ASRGL1: variants seen among roughly 807,000 people sequenced by gnomAD.
ASRGL1 encodes isoaspartyl peptidase/L-asparaginase.
ASRGL1 carries 16 observed loss-of-function variants against 22.4 expected under a neutral mutation model. The ratio of observed to expected loss-of-function variants is 0.71; its 90% CI spans 0.48 to 1.08. The LOEUF (loss-of-function observed/expected upper bound fraction) is 1.08. Among genes scored for constraint, ASRGL1 ranks in the 50% least tolerant of loss-of-function variants. The pLI is 0.00. For missense variants in ASRGL1, 412 were observed against 410.1 expected (o/e 1.00, Z -0.04); for synonymous variants, 165 against 159.3 (o/e 1.04, Z -0.27).
At chr11:62,369,318 G>A (rs1055577526) in intron 4 of ASRGL1, among the ~76,000 whole-genome samples, 5 of 152,146 alleles carry the variant, frequency 3.3e-5, no homozygotes, top group Admixed American at 3.3e-4. Context: ...GCGACACAGG[G>A]TTGGGGCTAG....
At chr11:62,362,038 AATGAGAG>A (rs1164767851) in intron 4 of ASRGL1, among the ~76,000 whole-genome samples, 5 of 152,174 alleles carry the variant, frequency 3.3e-5, no homozygotes, top group African/African-American at 1.2e-4. Context: ...GTGGTTGGTA[AATGAGAG>A]ATGTACAAGC....
chr11:62,399,263 A>G, the ASRGL1 span, among the ~76,000 whole-genome samples: 2 of 152,184 alleles, frequency 1.3e-5, no homozygotes, highest in African/African-American at 2.4e-5. Context: ...CTCAAGCACA[A>G]AGGGTCAGGA....
intron 4 of ASRGL1, 132 bp downstream of exon 4, chr11:62,357,276 G>A (rs1946325574): frequency 1.0e-5 from 4 of 401,382 alleles, no homozygotes; most frequent in Non-Finnish European, 1.5e-5. Flanking sequence ...TTGACACGGA[G>A]TCTCTCTCTG....
At chr11:62,345,006 A>G (rs1945978809) in intron 2 of ASRGL1, among the ~76,000 whole-genome samples, 2 of 152,210 alleles carry the variant, frequency 1.3e-5, no homozygotes, top group African/African-American at 2.4e-5. Flanking sequence ...TTCACTTACC[A>G]TAATGACCTC....
chr11:62,392,369 G>A lies in ASRGL1; in HGVS notation c.*85G>A, dbSNP rs1421443395. On this transcript the variant is annotated 3_prime_UTR_variant, in exon 7 of 7. Coordinates refer to ENST00000415229, the MANE Select transcript of ASRGL1 (RefSeq NM_001083926.2). Reference sequence around the variant, plus strand: ...GACATAGCCTAATCAATTAGATCTAGAATTGGAAAAATTGTCCCGTCTGTC... The same window carrying A: ...GACATAGCCTAATCAATTAGATCTAAAATTGGAAAAATTGTCCCGTCTGTC... 6.7e-7 allele frequency: 1 copy of A among 1,501,612 alleles called. No individual in the cohort carries two copies. The highest frequency in any genetic ancestry group is 9.2e-7 in the Non-Finnish European group (1 of 1,091,298). The allele number at this position is 1,501,612 out of a possible 1,614,324, so 93.0% of individuals were successfully genotyped here. A position where few individuals can be genotyped will look rare whatever the true frequency, so the allele number is the denominator to read the frequency against.
At chr11:62,362,503 ATATATAACATATATTATT>A (rs1192889406) in intron 4 of ASRGL1, among the ~76,000 whole-genome samples, 1 of 62,624 alleles carries the variant, frequency 1.6e-5, no homozygotes, top group Non-Finnish European at 2.9e-5. Context: ...ATTATATAAA[ATATATAACATATATTATT>A]TATATAATAT....
intron 4 of ASRGL1, among the ~76,000 whole-genome samples, chr11:62,365,356 C>A (rs1205853104): frequency 1.3e-5 from 2 of 151,266 alleles, no homozygotes; most frequent in Non-Finnish European, 2.9e-5. Context: ...GAGTTTGAAA[C>A]CAGCCTGGCC....
chr11:62,391,413 C>T (rs1947332613), intron 5 of ASRGL1, 109 bp from the exon 6 acceptor site: 3 of 1,429,288 alleles, frequency 2.1e-6, no homozygotes, highest in Non-Finnish European at 1.9e-6. Flanking sequence ...TGACCTTTGT[C>T]GGTACTTGAG....
At chr11:62,399,860 A>T in the ASRGL1 span, among the ~76,000 whole-genome samples, 1 of 152,182 alleles carries the variant, frequency 6.6e-6, no homozygotes, top group Non-Finnish European at 1.5e-5. Flanking sequence ...TACCACACAC[A>T]GCCTGGCTTT....
At chr11:62,348,317 C>A (rs963937147) in intron 2 of ASRGL1, among the ~76,000 whole-genome samples, 1 of 152,118 alleles carries the variant, frequency 6.6e-6, no homozygotes, top group African/African-American at 2.4e-5. Context: ...ATCATCTCTT[C>A]CAAAGCTCCT....
chr11:62,386,116 C>CA (rs1301049627), intron 4 of ASRGL1, among the ~76,000 whole-genome samples: 1 of 152,176 alleles, frequency 6.6e-6, no homozygotes, highest in East Asian at 1.9e-4. Flanking sequence ...GAGCCAATAT[C>CA]ACGCCACTGC....
At chr11:62,366,983 T>C (rs1187254072) in intron 4 of ASRGL1, among the ~76,000 whole-genome samples, 1 of 152,084 alleles carries the variant, frequency 6.6e-6, no homozygotes, top group East Asian at 1.9e-4. Context: ...GGCGGGTGGA[T>C]CACTTGAGCC....
intron 4 of ASRGL1, 138 bp from the exon 5 acceptor site, chr11:62,388,995 C>A: frequency 1.3e-6 from 1 of 751,320 alleles, no homozygotes; most frequent in Non-Finnish European, 2.3e-6. Flanking sequence ...GCAGCAGGTT[C>A]TTTCTAGAAT....
intron 4 of ASRGL1, among the ~76,000 whole-genome samples, chr11:62,370,233 A>G (rs1320939793): frequency 6.6e-6 from 1 of 152,196 alleles, no homozygotes; most frequent in African/African-American, 2.4e-5. Flanking sequence ...CTAGCAGAAT[A>G]TGGTGTTGCC....
intron 4 of ASRGL1, among the ~76,000 whole-genome samples, chr11:62,363,283 G>A (rs1946529340): frequency 6.6e-6 from 1 of 151,882 alleles, no homozygotes; most frequent in South Asian, 2.1e-4. Flanking sequence ...CTGCATGTGA[G>A]ATATACAACA....
intron 4 of ASRGL1, chr11:62,371,432 C>T (rs1199637560): frequency 1.7e-6 from 1 of 577,338 alleles, no homozygotes; most frequent in Non-Finnish European, 3.0e-6. Context: ...AAACTTGAGA[C>T]GTGCTGTGTT....
chr11:62,396,067 C>G (rs375156227), downstream of ASRGL1, among the ~76,000 whole-genome samples: 2 of 152,148 alleles, frequency 1.3e-5, no homozygotes, highest in South Asian at 4.1e-4. Flanking sequence ...CCGCACCCGG[C>G]CTTTGTAGCT....
At chr11:62,358,602 C>A (rs2134613960) in intron 4 of ASRGL1, among the ~76,000 whole-genome samples, 1 of 152,310 alleles carries the variant, frequency 6.6e-6, no homozygotes, top group Middle Eastern at 3.4e-3. Flanking sequence ...ATGGTCCCTG[C>A]ACTTTAAAGG....
chr11:62,401,426 AATGAATCCCTAG>A, the ASRGL1 span, among the ~76,000 whole-genome samples: 2 of 152,166 alleles, frequency 1.3e-5, no homozygotes, highest in Admixed American at 1.3e-4. Flanking sequence ...GAAATGAAAG[AATGAATCCCTAG>A]ATGCGTCCTT....
Sources: gnomAD v4.1 joint callset for allele counts (sites outside exome capture counted in the v4.1 genomes callset) on GRCh38, gnomAD v4.1.1 for gene constraint, MANE v1.5 for transcripts, NCBI Gene and HGNC (gene_info 2026-07-23, HGNC 2026-07-21) for gene names.